Variants in ITGA1 observed in about 807,000 individuals in gnomAD.
The protein encoded by ITGA1 is integrin alpha-1.
In ITGA1, 85 loss-of-function variants were observed where a neutral mutation model predicts 145.9. The ratio of observed to expected loss-of-function variants is 0.58; its 90% CI spans 0.49 to 0.70. The LOEUF (loss-of-function observed/expected upper bound fraction) is 0.70. Among genes scored for constraint, ITGA1 ranks in the 30% least tolerant of loss-of-function variants. ITGA1 has a pLI of 0.00. For missense variants in ITGA1, 1,351 were observed against 1,418.7 expected (o/e 0.95, Z 0.77); for synonymous variants, 520 against 495.3 (o/e 1.05, Z -0.66).
chr5:52,860,196 A>G (rs1749576484), intron 2 of ITGA1, among the ~76,000 whole-genome samples: 1 of 152,194 alleles, frequency 6.6e-6, no homozygotes, highest in Admixed American at 6.6e-5. Context: ...GCTCTGTCTT[A>G]TGGTGCTGAT....
At chr5:52,937,253 T>C (rs975502971) in intron 23 of ITGA1, 148 bp from the exon 24 acceptor site, 2 of 616,480 alleles carry the variant, frequency 3.2e-6, no homozygotes, top group Admixed American at 2.8e-5. Context: ...GCCAATTCTC[T>C]GTACAGCACC....
chr5:52,952,382 GT>G, intron 28 of ITGA1, 24 bp from the exon 29 acceptor site: 1 of 1,331,198 alleles, frequency 7.5e-7, no homozygotes, highest in Non-Finnish European at 1.0e-6. Flanking sequence ...AGTTAATTGT[GT>G]TATGTTTTGT....
chr5:52,894,417 G>A (rs767954388), intron 9 of ITGA1, among the ~76,000 whole-genome samples: 2 of 151,996 alleles, frequency 1.3e-5, no homozygotes, highest in Non-Finnish European at 2.9e-5. Flanking sequence ...GTTTTCAATG[G>A]TGACTGGCTG....
At chr5:52,820,967 A>G (rs1748870236) in intron 1 of ITGA1, among the ~76,000 whole-genome samples, 1 of 152,168 alleles carries the variant, frequency 6.6e-6, no homozygotes, top group African/African-American at 2.4e-5. Flanking sequence ...CTATCACTAA[A>G]TGGATAGGTT....
intron 5 of ITGA1, 81 bp downstream of exon 5, chr5:52,865,163 A>G: frequency 1.0e-6 from 1 of 989,720 alleles, no homozygotes; most frequent in Non-Finnish European, 1.5e-6. Flanking sequence ...GGAACATACC[A>G]AAAAGCTTAA....
intron 1 of ITGA1, among the ~76,000 whole-genome samples, chr5:52,805,725 C>T (rs1275475321): frequency 2.0e-5 from 3 of 152,058 alleles, no homozygotes; most frequent in Non-Finnish European, 4.4e-5. Context: ...TCAGTTACTG[C>T]TAGCGGACCC....
chr5:52,920,203 C>T (rs562110710), intron 16 of ITGA1, 129 bp from the exon 17 acceptor site: 183 of 682,398 alleles, frequency 2.7e-4, no homozygotes, highest in East Asian at 2.2e-3. Context: ...TGTGGATATG[C>T]TGAACAATAG....
chr5:52,919,628 G>A (rs761205612), intron 16 of ITGA1, among the ~76,000 whole-genome samples: 1 of 152,252 alleles, frequency 6.6e-6, no homozygotes, highest in Non-Finnish European at 1.5e-5. Flanking sequence ...ATATGTGCAT[G>A]TATATGCTCT....
rs373095255 is a variant in ITGA1 at position 52,932,104 on chromosome 5, G to A, written c.2829G>A (p.Pro943=). 1.1e-5 allele frequency: 18 copies of A among 1,608,982 alleles called. No individual in the cohort carries two copies. The highest frequency in any genetic ancestry group is 2.7e-5 in the African/African-American group (2 of 74,740). ...LSDNVVNISI[P]VKYEVGLQFY... is the part of the protein sequence containing the mutation. ...ATAATGTAGTAAACATTTCTATCCC[G>A]GTAAAATATGAAGTTGGACTACAGT... Residue 943 remains proline (P), a synonymous_variant, in exon 22 of 29, where the codon CCG becomes CCA. Coordinates refer to ENST00000282588, the MANE Select transcript of ITGA1 (RefSeq NM_181501.2).
rs1751262266 is a variant in ITGA1 at position 52,953,631 on chromosome 5, A to G, written c.*1180A>G. 6.6e-6 allele frequency: 1 copy of G among 152,206 alleles called. No individual in the cohort carries two copies. The highest frequency in any genetic ancestry group is 1.5e-5 in the Non-Finnish European group (1 of 68,044). 9.4% of individuals were successfully genotyped at this position (152,206 alleles called of 1,614,324 possible). A position where few individuals can be genotyped will look rare whatever the true frequency, so the allele number is the denominator to read the frequency against. ...TATTTTAAAGAATTTCAGGTTTGAA[A>G]ACTCAAACCAACAGGAAGATATCAC... is the stretch of plus-strand genomic sequence containing the variant. On this transcript the variant is annotated 3_prime_UTR_variant, in exon 29 of 29. Coordinates refer to ENST00000282588, the MANE Select transcript of ITGA1 (RefSeq NM_181501.2).
chr5:52,880,642 T>C (rs1349301269), intron 6 of ITGA1, among the ~76,000 whole-genome samples: 3 of 152,156 alleles, frequency 2.0e-5, no homozygotes, highest in South Asian at 2.1e-4. Flanking sequence ...TAGGATTTGC[T>C]CTAAAGCAAG....
At position 52,941,606 on chromosome 5, in the gene ITGA1, C is replaced by A. The variant is rs145930686; in HGVS notation, c.3285+1662C>A. On this transcript the variant is annotated intron_variant, in intron 26 of 28. Coordinates refer to ENST00000282588, the MANE Select transcript of ITGA1 (RefSeq NM_181501.2). ...AAGGAGTCTATTCATGTCCTTCGCC[C>A]ATTATTTAATGTGGTTATTTGTTGA... is the stretch of plus-strand genomic sequence containing the variant. 1.2e-3 allele frequency among the ~76,000 whole-genome samples: 187 copies of A among 152,262 alleles called. 1 individual carries two copies. The highest frequency in any genetic ancestry group is 4.2e-3 in the African/African-American group (174 of 41,548).
At chr5:52,918,097 G>A (rs1472503153) in intron 15 of ITGA1, among the ~76,000 whole-genome samples, 1 of 152,112 alleles carries the variant, frequency 6.6e-6, no homozygotes, top group Non-Finnish European at 1.5e-5. Context: ...CTGGGCTTTC[G>A]AGTTAAAACG....
intron 11 of ITGA1, among the ~76,000 whole-genome samples, chr5:52,899,212 G>C (rs1482393523): frequency 2.6e-5 from 4 of 152,200 alleles, no homozygotes; most frequent in African/African-American, 9.6e-5. Context: ...AGCATTCACA[G>C]CTTCACGTGT....
chr5:52,897,515 C>A lies in ITGA1; in HGVS notation c.1151C>A (p.Ala384Asp). Residue 384 changes from alanine to aspartate, a missense_variant, in exon 10 of 29, where the codon GCT (alanine) becomes GAT (aspartate). Ala to Asp is a moderately radical substitution (Grantham distance 126). Coordinates refer to ENST00000282588, the MANE Select transcript of ITGA1 (RefSeq NM_181501.2). ...EMEMSQTGFSAHYSQDWVMLG... is the reference protein window; with the variant it reads ...EMEMSQTGFSDHYSQDWVMLG... Reference sequence around the variant, plus strand: ...GAAATGTCTCAGACTGGCTTCAGTGCTCATTATTCACAGGTATGTTGACCA... The same window carrying A: ...GAAATGTCTCAGACTGGCTTCAGTGATCATTATTCACAGGTATGTTGACCA... 2 of 1,612,508 alleles carry A rather than the reference C, an allele frequency of 1.2e-6. No individual in the cohort carries two copies. Among genetic ancestry groups the A allele is most frequent in the Non-Finnish European group, 1.7e-6 (2 of 1,178,724 alleles).
At chr5:52,808,741 A>G (rs1748638834) in intron 1 of ITGA1, among the ~76,000 whole-genome samples, 1 of 129,794 alleles carries the variant, frequency 7.7e-6, no homozygotes, top group Non-Finnish European at 1.5e-5. Flanking sequence ...ATTTCAGTAC[A>G]TGGCTCTGAA....
At chr5:52,945,187 C>T in intron 27 of ITGA1, 152 bp downstream of exon 27, 1 of 585,412 alleles carries the variant, frequency 1.7e-6, no homozygotes, top group East Asian at 2.8e-5. Context: ...ACTTCATTAG[C>T]TTCAAATGTG....
At chr5:52,903,563 ACT>A (rs1750350566) in intron 11 of ITGA1, 1 of 152,214 alleles carries the variant, frequency 6.6e-6, no homozygotes, top group Non-Finnish European at 1.5e-5. Context: ...GAATAAACAT[ACT>A]GTATAAAAAC....
intron 2 of ITGA1, among the ~76,000 whole-genome samples, chr5:52,857,433 T>C (rs893926808): frequency 3.9e-5 from 6 of 152,124 alleles, no homozygotes; most frequent in Non-Finnish European, 1.5e-5. Context: ...ATGATAAATT[T>C]GGACACATCT....
Sources: allele counts gnomAD v4.1 joint callset (sites outside exome capture counted in the v4.1 genomes callset), GRCh38; gene constraint gnomAD v4.1.1; transcripts MANE v1.5; gene names NCBI Gene and HGNC (gene_info 2026-07-23, HGNC 2026-07-21).